The following DNAJC17 variants were observed in gnomAD, a reference collection of about 807,000 sequenced individuals.
The protein encoded by DNAJC17 is DnaJ heat shock protein family (Hsp40) member C17, also known as dnaJ homolog subfamily C member 17.
In DNAJC17, 35 loss-of-function variants were observed where a neutral mutation model predicts 48.1. The ratio of observed to expected loss-of-function variants is 0.73; its 90% CI spans 0.56 to 0.96. The LOEUF (loss-of-function observed/expected upper bound fraction) is 0.96. DNAJC17 is among the 50% of genes least tolerant of loss of function. The probability of loss-of-function intolerance (pLI) is 0.00; values close to 1 mark genes in which losing one functional copy is unlikely to be tolerated. For missense variants in DNAJC17, 355 were observed against 377.1 expected, an observed-to-expected ratio of 0.94 and a Z score of 0.48; for synonymous variants, 117 against 142.7, an observed-to-expected ratio of 0.82 and a Z score of 1.28.
chr15:40,768,953 C>T lies in DNAJC17; in HGVS notation c.793-891G>A, dbSNP rs116340626. Among the ~76,000 whole-genome samples the T allele has an allele frequency of 7.2e-3, 1,094 of 152,358 alleles. 19 individuals carry two copies. Among genetic ancestry groups the T allele is most frequent in the African/African-American group, 0.025 (1,048 of 41,582 alleles). On this transcript the variant is annotated intron_variant, in intron 10 of 10. Transcript: ENST00000220496. ...TAGCAGAGAGCTGTGGGGCCCTGAT[C>T]CGCGGTACCCCGCATGGGGACGCTG...
chr15:40,785,091 T>G (rs1889605240), intron 1 of DNAJC17, among the ~76,000 whole-genome samples: 1 of 151,672 alleles, frequency 6.6e-6, no homozygotes, highest in South Asian at 2.1e-4. Context: ...AGAGTGAAAG[T>G]CCATAACAAC....
Position 40,767,454 on chromosome 15 carries a change from A to T in DNAJC17, c.*486T>A. ...CGTCTGCCTTGCTCCTCTCTTCCCAAATCATCACCGCCATGGGCCCAGCCC... is the reference window on the plus strand; with the variant it reads ...CGTCTGCCTTGCTCCTCTCTTCCCATATCATCACCGCCATGGGCCCAGCCC... On this transcript the variant is annotated 3_prime_UTR_variant, in exon 11 of 11. Transcript: ENST00000220496. 7.7e-7 allele frequency: 1 copy of T among 1,295,592 alleles called. No individual in the cohort carries two copies. The highest frequency in any genetic ancestry group is 1.0e-6 in the Non-Finnish European group (1 of 957,140). The allele number at this position is 1,295,592 out of a possible 1,614,324, so 80.3% of individuals were successfully genotyped here.
In DNAJC17 at chr15:40,767,218, CTT is replaced by C. The variant is rs1326928003; in HGVS notation, c.*720_*721del. 1 of 1,512,016 alleles carries C rather than the reference CTT, an allele frequency of 6.6e-7. No homozygotes were observed. The highest frequency in any genetic ancestry group is 2.2e-5 in the Admixed American group (1 of 45,670). 93.7% of individuals were successfully genotyped at this position (1,512,016 alleles called of 1,614,324 possible). A position where few individuals can be genotyped will look rare whatever the true frequency, so the allele number is the denominator to read the frequency against. ...CCTCCTCACCCCCCCCATCCTGTCT[CTT>C]TGCAGTTATGAATACTACGTCGATG... On this transcript the variant is annotated 3_prime_UTR_variant, in exon 11 of 11. Coordinates refer to ENST00000220496, the MANE Select transcript of DNAJC17 (RefSeq NM_018163.3).
chr15:40,774,364 T>G lies in DNAJC17; in HGVS notation c.673A>C (p.Lys225Gln). 1 of 1,613,992 alleles carries G rather than the reference T, an allele frequency of 6.2e-7. No homozygotes were observed. The highest frequency in any genetic ancestry group is 8.5e-7 in the Non-Finnish European group (1 of 1,180,020). The part of the protein sequence containing the change: ...GTAVVEFATV[K>Q]AAELAVQNEV... Reference sequence around the variant, plus strand: ...CCTCATGCAGCACTCACCGCTGCCTTGACGGTTGCAAACTCCACCACAGCA... The same window carrying G: ...CCTCATGCAGCACTCACCGCTGCCTGGACGGTTGCAAACTCCACCACAGCA... The change falls in exon 9 of 11, where the codon AAG becomes CAG. Residue 225 changes from lysine (K) to glutamine (Q), a missense_variant. Transcript: ENST00000220496.
intron 10 of DNAJC17, 92 bp from the exon 11 acceptor site, chr15:40,768,154 T>C: frequency 7.1e-7 from 1 of 1,414,624 alleles, no homozygotes; most frequent in Non-Finnish European, 9.2e-7. Context: ...TGCTGCGTTC[T>C]AAGAGTCTCG....
At chr15:40,807,264 G>C in intron 1 of DNAJC17, 105 bp downstream of exon 1, 1 of 1,601,468 alleles carries the variant, frequency 6.2e-7, no homozygotes, top group Non-Finnish European at 8.5e-7. Context: ...TCCCCGCCCA[G>C]GACCCGAATG....
At chr15:40,790,769 T>C (rs776920168) in intron 1 of DNAJC17, among the ~76,000 whole-genome samples, 2 of 152,198 alleles carry the variant, frequency 1.3e-5, no homozygotes, top group Non-Finnish European at 2.9e-5. Context: ...TTTGGTGTCA[T>C]AGAAATGTGA....
chr15:40,776,776 G>A (rs147174141), intron 4 of DNAJC17, 149 bp from the exon 5 acceptor site: 42 of 698,646 alleles, frequency 6.0e-5, no homozygotes, highest in East Asian at 4.2e-4. Context: ...CCACGCCCCC[G>A]AGTCAATTTC....
chr15:40,779,699 C>T, intron 2 of DNAJC17, 96 bp from the exon 3 acceptor site: 1 of 1,387,046 alleles, frequency 7.2e-7, no homozygotes, highest in East Asian at 2.4e-5. Context: ...AAAGAAGTCA[C>T]AGGATGGCAG....
At chr15:40,776,376 C>T (rs1241864220) in intron 5 of DNAJC17, 84 bp from the exon 6 acceptor site, 3 of 1,498,328 alleles carry the variant, frequency 2.0e-6, no homozygotes, top group Non-Finnish European at 2.8e-6. Flanking sequence ...TTGGGAGCTT[C>T]CACCTGCAAG....
At chr15:40,804,687 T>A (rs573969396) in intron 1 of DNAJC17, among the ~76,000 whole-genome samples, 2 of 152,106 alleles carry the variant, frequency 1.3e-5, no homozygotes, top group South Asian at 4.2e-4. Context: ...TCCTCAGGAG[T>A]TCTCAACTTC....
At chr15:40,773,618 T>C in intron 10 of DNAJC17, 109 bp downstream of exon 10, 1 of 825,450 alleles carries the variant, frequency 1.2e-6, no homozygotes, top group Non-Finnish European at 1.9e-6. Context: ...CCTGCCAAGC[T>C]CACTCTAGGC....
Position 40,767,968 on chromosome 15 carries a change from T to G in DNAJC17, c.887A>C (p.Gln296Pro). 6.2e-7 allele frequency: 1 copy of G among 1,613,060 alleles called. No individual in the cohort carries two copies. The highest frequency in any genetic ancestry group is 8.5e-7 in the Non-Finnish European group (1 of 1,179,694). Residue 296 changes from glutamine to proline, a missense_variant, in exon 11 of 11, where the codon CAG becomes CCG. By Grantham distance (76) the Gln-to-Pro change is moderately conservative. Around this residue, in one of 3 missense-constraint regions of DNAJC17, gnomAD observed 88 missense variants for 67.7 expected, o/e 1.30. Coordinates refer to ENST00000220496, the MANE Select transcript of DNAJC17 (RefSeq NM_018163.3). ...ERQQLIARMQ[Q>P]EDQEGPPT ...CGTAGGCGGCCCCTCCTGGTCTTCC[T>G]GCTGCATCCGTGCGATCAGCTGTTG...
At chr15:40,797,444 G>A (rs183144013) in intron 1 of DNAJC17, among the ~76,000 whole-genome samples, 340 of 150,616 alleles carry the variant, frequency 2.3e-3, no homozygotes, top group African/African-American at 7.2e-3. Context: ...ATGGAGTTTC[G>A]CTCTTATTGC....
chr15:40,774,373 C>G lies in DNAJC17; in HGVS notation c.664G>C (p.Ala222Pro). 4.3e-6 allele frequency: 7 copies of G among 1,614,014 alleles called. No homozygotes were observed. The highest frequency in any genetic ancestry group is 5.9e-6 in the Non-Finnish European group (7 of 1,180,012). Reference sequence around the variant, plus strand: ...GCACTCACCGCTGCCTTGACGGTTGCAAACTCCACCACAGCAGTGCCTGGC... The same window carrying G: ...GCACTCACCGCTGCCTTGACGGTTGGAAACTCCACCACAGCAGTGCCTGGC... ...KKPGTAVVEF[A>P]TVKAAELAVQ... Residue 222 changes from alanine to proline, a missense_variant, in exon 9 of 11, where the codon GCA becomes CCA. Ala to Pro is a conservative substitution (Grantham distance 27). Around this residue, in one of 3 missense-constraint regions of DNAJC17, gnomAD observed 68 missense variants for 109.5 expected, o/e 0.62. Coordinates refer to ENST00000220496, the MANE Select transcript of DNAJC17 (RefSeq NM_018163.3).
In DNAJC17 at chr15:40,794,309, C is replaced by T. The variant is rs551939443; in HGVS notation, c.78+13060G>A. On this transcript the variant is annotated intron_variant, in intron 1 of 10. Transcript: ENST00000220496. ...AGGTTGCAGTGAGCTGAGATTGTGC[C>T]ACTGCACTCCAGCCTGGGGGATAGA... Among the ~76,000 whole-genome samples, 12 of 151,830 alleles carry T rather than the reference C, an allele frequency of 7.9e-5. No individual in the cohort carries two copies. In the East Asian group the frequency reaches 2.3e-3, roughly 29 times the overall value.
chr15:40,775,897 G>A (rs77650536), intron 6 of DNAJC17, among the ~76,000 whole-genome samples: 7,533 of 152,244 alleles, frequency 0.049, 642 homozygotes, highest in African/African-American at 0.17. Flanking sequence ...GGTTCTACGG[G>A]CACAAAGTGT....
At chr15:40,781,782 C>A (rs1889498285) in intron 1 of DNAJC17, among the ~76,000 whole-genome samples, 1 of 148,028 alleles carries the variant, frequency 6.8e-6, no homozygotes, top group South Asian at 2.1e-4. Flanking sequence ...ATTAGCCAGG[C>A]ATGGTGGCGG....
intron 1 of DNAJC17, among the ~76,000 whole-genome samples, chr15:40,792,963 A>G (rs565819898): frequency 1.4e-5 from 2 of 137,976 alleles, no homozygotes; most frequent in Admixed American, 1.6e-4. Context: ...GCACGATCTC[A>G]GCTCACTGCA....
Sources: gnomAD v4.1 joint callset for allele counts (sites outside exome capture counted in the v4.1 genomes callset) on GRCh38, gnomAD v4.1.1 for gene constraint, gnomAD v4.1.1 regional missense constraint, MANE v1.5 for transcripts, NCBI Gene and HGNC (gene_info 2026-07-23, HGNC 2026-07-21) for gene names.